The following PCDH8 variants were observed in gnomAD, a reference collection of about 807,000 sequenced individuals.
PCDH8 encodes protocadherin-8.
A neutral mutation model predicts 58.2 loss-of-function variants in PCDH8; 36 were observed. The ratio of observed to expected loss-of-function variants is 0.62; its 90% confidence interval spans 0.47 to 0.82. The LOEUF is 0.82. Ranked by LOEUF, PCDH8 falls within the 40% of genes least tolerant of loss-of-function variation. PCDH8 has a pLI of 0.00. For synonymous variants in PCDH8, 775 were observed against 728.9 expected (o/e 1.06, Z -1.02); for missense variants, 1,493 against 1,567.8 (o/e 0.95, Z 0.81).
Position 52,846,925 on chromosome 13 carries a change from C to T in PCDH8, c.1512G>A (p.Val504=), listed in dbSNP as rs771593895. The T allele has an allele frequency of 5.0e-6, 8 of 1,592,886 alleles. No individual in the cohort carries two copies. In the South Asian group the frequency reaches 9.0e-5, roughly 18 times the overall value. ...APLFTRPVYE[V]SVRENNPPGA... is the part of the protein sequence containing the mutation. ...CTGGCGGGTTGTTCTCGCGCACCGA[C>T]ACCTCATAGACCGGCCGCGTGAAGA... is the stretch of plus-strand genomic sequence containing the variant. Residue 504 remains valine (V), a synonymous_variant, in exon 1 of 3, where the codon GTG becomes GTA. Coordinates refer to ENST00000377942, the MANE Select transcript of PCDH8 (RefSeq NM_002590.4).
At position 52,846,283 on chromosome 13, in the gene PCDH8, C is replaced by A. The variant is rs773420151; in HGVS notation, c.2154G>T (p.Pro718=). 5 of 1,574,966 alleles carry A rather than the reference C, an allele frequency of 3.2e-6. No individual in the cohort carries two copies. The highest frequency in any genetic ancestry group is 4.3e-6 in the Non-Finnish European group (5 of 1,166,426). ...FVVTAGGGRG[P]AAPASAGSPE... ...GGCTTCCTGCACTGGCAGGCGCAGC[C>A]GGCCCACGCCCGCCCCCTGCTGTTA... is the stretch of plus-strand genomic sequence containing the variant. Residue 718 remains proline, a synonymous_variant, in exon 1 of 3, where the codon CCG becomes CCT. Transcript: ENST00000377942.
At chr13:52,845,741 G>C (rs1480022961) in intron 1 of PCDH8, 65 bp downstream of exon 1, 6 of 1,513,172 alleles carry the variant, frequency 4.0e-6, no homozygotes, top group Admixed American at 2.0e-5. Flanking sequence ...TACCCCTCCA[G>C]TCTCCCTTCC....
chr13:52,843,511 T>G lies in PCDH8; in HGVS notation c.*1049A>C, dbSNP rs1037598375. The G allele has an allele frequency of 2.0e-5, 3 of 152,166 alleles. No individual in the cohort carries two copies. The highest frequency in any genetic ancestry group is 7.2e-5 in the African/African-American group (3 of 41,416). The allele number at this position is 152,166 out of a possible 1,614,324, so 9.4% of individuals were successfully genotyped here. A position where few individuals can be genotyped will look rare whatever the true frequency, so the allele number is the denominator to read the frequency against. ...AGGACAGAATGTAGTGGGAACCTAT[T>G]ATATTCCAAAAGACTAAGATGTTAG... On this transcript the variant is annotated 3_prime_UTR_variant, in exon 3 of 3. Transcript: ENST00000377942.
In PCDH8 at chr13:52,846,937, C is replaced by G. The variant is rs1965749164; in HGVS notation, c.1500G>C (p.Pro500=). 1 of 1,595,548 alleles carries G rather than the reference C, an allele frequency of 6.3e-7. No individual in the cohort carries two copies. Among genetic ancestry groups the G allele is most frequent in the Non-Finnish European group, 8.5e-7 (1 of 1,173,954 alleles). Residue 500 remains proline (P), a synonymous_variant, in exon 1 of 3, where the codon CCG becomes CCC. Transcript: ENST00000377942. ...ENDNAPLFTR[P]VYEVSVRENN... ...TCTCGCGCACCGACACCTCATAGAC[C>G]GGCCGCGTGAAGAGCGGCGCGTTGT...
Position 52,847,893 on chromosome 13 carries a change from G to T in PCDH8, c.544C>A (p.Arg182Ser), listed in dbSNP as rs766487172. The change falls in exon 1 of 3, where the codon CGC (arginine) becomes AGC (serine). Residue 182 changes from arginine to serine, a missense_variant. Arg to Ser is a moderately radical substitution (Grantham distance 110). Around this residue, in one of 3 missense-constraint regions of PCDH8, gnomAD observed 1,307 missense variants for 1,362.7 expected, o/e 0.96. Transcript: ENST00000377942. The part of the protein sequence containing the change: ...VRLAEPHSPF[R>S]VELQTRADGA... ...TCCGCTCGCGTCTGCAGCTCCACGC[G>T]AAAGGGGCTGTGCGGCTCGGCCAGG... 1.9e-6 allele frequency: 3 copies of T among 1,566,202 alleles called. No homozygotes were observed. The highest frequency in any genetic ancestry group is 3.7e-5 in the Admixed American group (2 of 54,116).
rs1252031118 is a variant in PCDH8, at chr13:52,847,642, A to G, written c.795T>C (p.Leu265=). 3.8e-6 allele frequency: 6 copies of G among 1,575,148 alleles called. No individual in the cohort carries two copies. Among genetic ancestry groups the G allele is most frequent in the Non-Finnish European group, 5.1e-6 (6 of 1,169,636 alleles). The change falls in exon 1 of 3, where the codon CTT becomes CTC. Residue 265 remains leucine (L), a synonymous_variant. Coordinates refer to ENST00000377942, the MANE Select transcript of PCDH8 (RefSeq NM_002590.4). ...LAEDAPVGSL[L]LDLDAADPDE... is the part of the protein sequence containing the mutation. ...CGGGGTCGGCTGCGTCCAGGTCGAG[A>G]AGCAGGGAGCCCACGGGCGCGTCTT... is the stretch of plus-strand genomic sequence containing the variant.
Position 52,846,535 on chromosome 13 carries a change from G to A in PCDH8, c.1902C>T (p.Ala634=). Residue 634 remains alanine (A), a synonymous_variant, in exon 1 of 3, where the codon GCC becomes GCT. Transcript: ENST00000377942. The part of the protein sequence containing the change: ...PGRTAKDTVV[A]RVQARDADEG... Reference sequence around the variant, plus strand: ...CGTCTGCATCCCGGGCCTGCACACGGGCCACAACCGTGTCCTTTGCGGTGC... The same window carrying A: ...CGTCTGCATCCCGGGCCTGCACACGAGCCACAACCGTGTCCTTTGCGGTGC... 1 of 1,599,584 alleles carries A rather than the reference G, an allele frequency of 6.3e-7. No homozygotes were observed. Among genetic ancestry groups the A allele is most frequent in the East Asian group, 2.2e-5 (1 of 44,800 alleles).
In PCDH8 at chr13:52,845,892, C is replaced by G. The variant is rs1388770315; in HGVS notation, c.2545G>C (p.Val849Leu). Residue 849 changes from valine to leucine, a missense_variant, in exon 1 of 3, where the codon GTG becomes CTG. Transcript: ENST00000377942. ...APPPAVAAAE[V>L]PGSEGGSATG... ...GCGCTGCCGCCCTCTGAGCCCGGCACTTCGGCCGCGGCGACCGCAGGCGGA... is the reference window on the plus strand; with the variant it reads ...GCGCTGCCGCCCTCTGAGCCCGGCAGTTCGGCCGCGGCGACCGCAGGCGGA... 1.2e-5 allele frequency: 18 copies of G among 1,485,116 alleles called. No individual in the cohort carries two copies. The highest frequency in any genetic ancestry group is 1.6e-5 in the Non-Finnish European group (18 of 1,128,988). 92.0% of individuals were successfully genotyped at this position (1,485,116 alleles called of 1,614,324 possible). A position where few individuals can be genotyped will look rare whatever the true frequency, so the allele number is the denominator to read the frequency against.
Position 52,846,801 on chromosome 13 carries a change from C to A in PCDH8, c.1636G>T (p.Gly546Cys), listed in dbSNP as rs922078758. Reference protein sequence around the residue: ...LLEAEVGRAGGAVSTYVSVDP... With the variant: ...LLEAEVGRAGCAVSTYVSVDP... ...ACCGAGACATAAGTGGACACGGCGC[C>A]CCCGGCGCGGCCCACCTCGGCCTCC... The change falls in exon 1 of 3, where the codon GGC (glycine) becomes TGC (cysteine). Residue 546 changes from glycine (G) to cysteine (C), a missense_variant. By Grantham distance (159) the Gly-to-Cys change is radical. Around this residue, in one of 3 missense-constraint regions of PCDH8, gnomAD observed 1,307 missense variants for 1,362.7 expected, o/e 0.96. Coordinates refer to ENST00000377942, the MANE Select transcript of PCDH8 (RefSeq NM_002590.4). 38 of 1,554,426 alleles carry A rather than the reference C, an allele frequency of 2.4e-5. No homozygotes were observed. The highest frequency in any genetic ancestry group is 3.1e-5 in the Non-Finnish European group (36 of 1,156,848).
In PCDH8 at chr13:52,846,412, G is replaced by A; in HGVS notation, c.2025C>T (p.Gly675=). The change falls in exon 1 of 3, where the codon GGC becomes GGT. Residue 675 remains glycine, a synonymous_variant. Transcript: ENST00000377942. ...GRRTGEILLT[G]DLSQEPPGRV... ...GACCGGGTGGCTCCTGCGAGAGGTC[G>A]CCGGTGAGCAGTATCTCCCCCGTGC... The A allele has an allele frequency of 6.3e-7, 1 of 1,595,944 alleles. No individual in the cohort carries two copies. The highest frequency in any genetic ancestry group is 1.7e-5 in the Admixed American group (1 of 59,732).
rs9596693 is a variant in PCDH8, at chr13:52,847,338, T to C, written c.1099A>G (p.Thr367Ala). 76,693 of 1,452,030 alleles carry C rather than the reference T, an allele frequency of 0.053. 2,170 individuals are homozygous for C. Among genetic ancestry groups the C allele is most frequent in the African/African-American group, 0.078 (5,302 of 68,072 alleles). The allele number at this position is 1,452,030 out of a possible 1,614,324, so 89.9% of individuals were successfully genotyped here. ...TPLAAPGAPA[T>A]SPFAAAAAAA... ...GCGGCGGCAGCGGCGAAGGGTGAGG[T>C]TGCCGGCGCGCCTGGGGCGGCCAGC... Residue 367 changes from threonine to alanine, a missense_variant, in exon 1 of 3, where the codon ACC (threonine) becomes GCC (alanine). Transcript: ENST00000377942.
rs769773305 is a variant in PCDH8 at position 52,847,501 on chromosome 13, C to T, written c.936G>A (p.Val312=). Residue 312 remains valine (V), a synonymous_variant, in exon 1 of 3, where the codon GTG becomes GTA. Coordinates refer to ENST00000377942, the MANE Select transcript of PCDH8 (RefSeq NM_002590.4). ...RSGRLTLAGP[V]DYERQDTYEL... is the part of the protein sequence containing the mutation. ...CGTAGGTGTCCTGACGCTCGTAGTCCACGGGCCCGGCCAGGGTGAGGCGGC... is the reference window on the plus strand; with the variant it reads ...CGTAGGTGTCCTGACGCTCGTAGTCTACGGGCCCGGCCAGGGTGAGGCGGC... The T allele has an allele frequency of 6.3e-7, 1 of 1,588,814 alleles. No individual in the cohort carries two copies. The highest frequency in any genetic ancestry group is 1.4e-5 in the African/African-American group (1 of 73,158).
At position 52,848,209 on chromosome 13, in the gene PCDH8, C is replaced by T. The variant is rs745935799; in HGVS notation, c.228G>A (p.Val76=). 1 of 1,613,034 alleles carries T rather than the reference C, an allele frequency of 6.2e-7. No homozygotes were observed. Among genetic ancestry groups the T allele is most frequent in the South Asian group, 1.1e-5 (1 of 91,044 alleles). ...CGGTCAGCTGCCCGTCGCCTTCGCG[C>T]ACCCGGAGCAGAGAGCTGTTGAATT... ...MKQFNSSLLR[V]REGDGQLTVG... Residue 76 remains valine (V), a synonymous_variant, in exon 1 of 3, where the codon GTG becomes GTA. Coordinates refer to ENST00000377942, the MANE Select transcript of PCDH8 (RefSeq NM_002590.4).
rs147655741 is a variant in PCDH8 at position 52,844,579 on chromosome 13, C to G, written c.3194G>C (p.Gly1065Ala). The G allele has an allele frequency of 6.3e-7, 1 of 1,595,072 alleles. No homozygotes were observed. Among genetic ancestry groups the G allele is most frequent in the East Asian group, 2.2e-5 (1 of 44,684 alleles). The change falls in exon 3 of 3, where the codon GGA becomes GCA. Residue 1065 changes from glycine (G) to alanine (A), a missense_variant. Physicochemically the swap from Gly to Ala is moderately conservative, Grantham distance 60. This residue lies in a region of PCDH8 where 182 missense variants were observed against 178.9 expected (regional missense o/e 1.02). Transcript: ENST00000377942. ...ATGGGATTACACATTTTCATTGGCT[C>G]CCTTCTTCGGGGACAGGTACCTGCC... ...PPGRYLSPKKGANENV is the reference protein window; with the variant it reads ...PPGRYLSPKKAANENV
rs377091010 is a variant in PCDH8, at chr13:52,848,543, C to A, written c.-107G>T. 11 of 1,444,454 alleles carry A rather than the reference C, an allele frequency of 7.6e-6. No individual in the cohort carries two copies. The highest frequency in any genetic ancestry group is 5.9e-5 in the South Asian group (4 of 68,238). 89.5% of individuals were successfully genotyped at this position (1,444,454 alleles called of 1,614,324 possible). A position where few individuals can be genotyped will look rare whatever the true frequency, so the allele number is the denominator to read the frequency against. Reference sequence around the variant, plus strand: ...AATCACGCTCTTTGCGAGCCCTGTGCGGGAGAAGTCTGCGGGTAGCAGCTC... The same window carrying A: ...AATCACGCTCTTTGCGAGCCCTGTGAGGGAGAAGTCTGCGGGTAGCAGCTC... On this transcript the variant is annotated 5_prime_UTR_variant, in exon 1 of 3. Coordinates refer to ENST00000377942, the MANE Select transcript of PCDH8 (RefSeq NM_002590.4).
Position 52,843,385 on chromosome 13 carries a change from G to A in PCDH8, c.*1175C>T, listed in dbSNP as rs1965688592. 1 of 151,940 alleles carries A rather than the reference G, an allele frequency of 6.6e-6. No homozygotes were observed. The highest frequency in any genetic ancestry group is 1.5e-5 in the Non-Finnish European group (1 of 68,002). 9.4% of individuals were successfully genotyped at this position (151,940 alleles called of 1,614,324 possible). ...GTTTTTTTCTAGAACATTTTAAAGC[G>A]AATCCCAAACATCATGTCATTTTGC... On this transcript the variant is annotated 3_prime_UTR_variant, in exon 3 of 3. Coordinates refer to ENST00000377942, the MANE Select transcript of PCDH8 (RefSeq NM_002590.4).
rs764889264 is a variant in PCDH8 at position 52,845,666 on chromosome 13, G to A, written c.2632-34C>T. On this transcript the variant is annotated intron_variant, in intron 1 of 2. Coordinates refer to ENST00000377942, the MANE Select transcript of PCDH8 (RefSeq NM_002590.4). ...GGGAATAGGGGAATGGGAGTGGGGG[G>A]AGGGTTGGATAAGAAACAAACAAAA... 49 of 1,608,356 alleles carry A rather than the reference G, an allele frequency of 3.0e-5. No homozygotes were observed. In the African/African-American group the frequency reaches 6.3e-4, roughly 21 times the overall value.
Position 52,847,953 on chromosome 13 carries a change from C to T in PCDH8, c.484G>A (p.Glu162Lys). The change falls in exon 1 of 3, where the codon GAG (glutamate) becomes AAG (lysine). Residue 162 changes from glutamate (E) to lysine (K), a missense_variant. Glu to Lys is a moderately conservative substitution (Grantham distance 56). Around this residue, in one of 3 missense-constraint regions of PCDH8, gnomAD observed 1,307 missense variants for 1,362.7 expected, o/e 0.96. Coordinates refer to ENST00000377942, the MANE Select transcript of PCDH8 (RefSeq NM_002590.4). Reference protein sequence around the residue: ...TRIPLEVPVDEDVGANGLQTV... With the variant: ...TRIPLEVPVDKDVGANGLQTV... Reference sequence around the variant, plus strand: ...TGCAGCCCGTTGGCGCCCACGTCCTCGTCCACCGGCACCTCCAAGGGGATG... The same window carrying T: ...TGCAGCCCGTTGGCGCCCACGTCCTTGTCCACCGGCACCTCCAAGGGGATG... 6.2e-7 allele frequency: 1 copy of T among 1,610,170 alleles called. No individual in the cohort carries two copies. The highest frequency in any genetic ancestry group is 2.2e-5 in the East Asian group (1 of 44,770).
chr13:52,845,958 T>G lies in PCDH8; in HGVS notation c.2479A>C (p.Thr827Pro), dbSNP rs1965724976. 1.3e-6 allele frequency: 2 copies of G among 1,491,514 alleles called. No homozygotes were observed. The highest frequency in any genetic ancestry group is 1.8e-6 in the Non-Finnish European group (2 of 1,133,350). The allele number at this position is 1,491,514 out of a possible 1,614,324, so 92.4% of individuals were successfully genotyped here. A position where few individuals can be genotyped will look rare whatever the true frequency, so the allele number is the denominator to read the frequency against. ...NMFDVLTFPG[T>P]GKAPFGSPAA... ...GGGCTGCCAAAGGGCGCTTTGCCGGTGCCAGGGAAGGTGAGCACGTCGAAC... is the reference window on the plus strand; with the variant it reads ...GGGCTGCCAAAGGGCGCTTTGCCGGGGCCAGGGAAGGTGAGCACGTCGAAC... The change falls in exon 1 of 3, where the codon ACC (threonine) becomes CCC (proline). Residue 827 changes from threonine to proline, a missense_variant. Thr to Pro is a conservative substitution (Grantham distance 38). Transcript: ENST00000377942.
Sources: gnomAD v4.1 joint callset for allele counts on GRCh38, gnomAD v4.1.1 for gene constraint, gnomAD v4.1.1 regional missense constraint, MANE v1.5 for transcripts, NCBI Gene and HGNC (gene_info 2026-07-23, HGNC 2026-07-21) for gene names.